Variants in NTN1 observed in about 807,000 individuals in gnomAD.
NTN1 encodes the protein netrin-1.
A neutral mutation model predicts 54.2 loss-of-function variants in NTN1; 11 were observed. The ratio of observed to expected loss-of-function variants is 0.20; its 90% CI spans 0.13 to 0.34. The LOEUF is 0.34. NTN1 is among the 10% of genes least tolerant of loss of function. The pLI, the probability that NTN1 is intolerant of heterozygous loss-of-function variation, is 1.00. For missense variants in NTN1, 740 were observed against 893.1 expected (o/e 0.83, Z 2.18); for synonymous variants, 371 against 382.0 (o/e 0.97, Z 0.33).
chr17:9,164,380 GCGC>G (rs1300806102), intron 3 of NTN1, among the ~76,000 whole-genome samples: 1 of 151,272 alleles, frequency 6.6e-6, no homozygotes, highest in East Asian at 1.9e-4. Context: ...AGCCAAGATC[GCGC>G]CACCGCACTC....
intron 2 of NTN1, among the ~76,000 whole-genome samples, chr17:9,147,490 G>C (rs1318547278): frequency 1.3e-5 from 2 of 152,148 alleles, no homozygotes; most frequent in East Asian, 3.9e-4. Flanking sequence ...CTCCAGCCTG[G>C]GCGACAGAGA....
At chr17:9,036,821 C>G (rs1324309104) in intron 2 of NTN1, among the ~76,000 whole-genome samples, 1 of 152,188 alleles carries the variant, frequency 6.6e-6, no homozygotes, top group Non-Finnish European at 1.5e-5. Flanking sequence ...TTGAATGATA[C>G]ATTTTCCAAC....
At chr17:9,127,736 A>G (rs916411002) in intron 2 of NTN1, among the ~76,000 whole-genome samples, 4 of 152,174 alleles carry the variant, frequency 2.6e-5, no homozygotes, top group South Asian at 2.1e-4. Context: ...GCCACCACCA[A>G]TGATTCTACT....
At chr17:9,012,278 G>A in the NTN1 span, among the ~76,000 whole-genome samples, 143 of 152,144 alleles carry the variant, frequency 9.4e-4, no homozygotes, top group Non-Finnish European at 1.0e-3. Flanking sequence ...TTGGGAGGCC[G>A]AGGTGGGTGG....
intron 5 of NTN1, among the ~76,000 whole-genome samples, chr17:9,195,745 G>A (rs1045505144): frequency 6.6e-6 from 1 of 152,240 alleles, no homozygotes; most frequent in Admixed American, 6.5e-5. Flanking sequence ...CTATTGCAGC[G>A]GGCTCGCCTG....
chr17:9,124,307 G>A (rs2092239602), intron 2 of NTN1, among the ~76,000 whole-genome samples: 1 of 152,206 alleles, frequency 6.6e-6, no homozygotes, highest in Non-Finnish European at 1.5e-5. Context: ...GAGGACGTGG[G>A]GCTTCCTCGC....
At chr17:9,128,117 G>A (rs1597498001) in intron 2 of NTN1, among the ~76,000 whole-genome samples, 1 of 145,748 alleles carries the variant, frequency 6.9e-6, no homozygotes, top group African/African-American at 2.6e-5. Flanking sequence ...ACTCCGTCTC[G>A]AAAAATAAAT....
intron 2 of NTN1, among the ~76,000 whole-genome samples, chr17:9,105,974 C>T (rs2092164778): frequency 6.6e-6 from 1 of 152,074 alleles, no homozygotes; most frequent in Non-Finnish European, 1.5e-5. Flanking sequence ...AAGAGACCAT[C>T]TGGACCAGCT....
chr17:9,029,437 G>A (rs1468366620), intron 2 of NTN1, among the ~76,000 whole-genome samples: 8 of 152,100 alleles, frequency 5.3e-5, no homozygotes, highest in South Asian at 4.1e-4. Context: ...TATCAGGAGC[G>A]TTTGCTTGGA....
At chr17:9,032,850 C>T (rs879549985) in intron 2 of NTN1, among the ~76,000 whole-genome samples, 12 of 152,118 alleles carry the variant, frequency 7.9e-5, no homozygotes, top group Non-Finnish European at 1.3e-4. Context: ...CCCTGTTTCA[C>T]TCTATGGCTC....
At chr17:9,023,484 C>T in intron 2 of NTN1, 93 bp downstream of exon 2, 1 of 1,290,658 alleles carries the variant, frequency 7.7e-7, no homozygotes, top group Non-Finnish European at 9.8e-7. Flanking sequence ...GAGCGCGGGT[C>T]GAGGGAACGG....
At chr17:9,079,177 C>T (rs939610518) in intron 2 of NTN1, among the ~76,000 whole-genome samples, 2 of 152,204 alleles carry the variant, frequency 1.3e-5, no homozygotes, top group Admixed American at 6.5e-5. Flanking sequence ...GATGGAAGGA[C>T]CCCTTCTGTA....
In NTN1 at chr17:9,071,802, A is replaced by G. The variant is rs549802693; in HGVS notation, c.1018+48411A>G. 2.0e-5 allele frequency among the ~76,000 whole-genome samples: 3 copies of G among 152,348 alleles called. No individual in the cohort carries two copies. In the East Asian group the frequency reaches 5.8e-4, roughly 29 times the overall value. On this transcript the variant is annotated intron_variant, in intron 2 of 6. Coordinates refer to ENST00000173229, the MANE Select transcript of NTN1 (RefSeq NM_004822.3). ...ACTCAAATGGCAAACATATGTCTCC[A>G]AAGTCATGCCCAGGGTTTCTTTCCC...
intron 5 of NTN1, among the ~76,000 whole-genome samples, chr17:9,191,387 G>A (rs1479031163): frequency 6.6e-6 from 1 of 152,200 alleles, no homozygotes; most frequent in Non-Finnish European, 1.5e-5. Flanking sequence ...TTGAACCTGG[G>A]AGGCGGAGGT....
chr17:9,132,943 G>A (rs1279861395), intron 2 of NTN1, among the ~76,000 whole-genome samples: 1 of 152,116 alleles, frequency 6.6e-6, no homozygotes, highest in African/African-American at 2.4e-5. Context: ...GTCAAAATGA[G>A]CTGAGTGTGG....
chr17:9,188,180 G>A (rs567460864), intron 5 of NTN1, among the ~76,000 whole-genome samples: 1 of 152,288 alleles, frequency 6.6e-6, no homozygotes, highest in South Asian at 2.1e-4. Context: ...TGTAATCCCG[G>A]CACTATGGGA....
the NTN1 span, among the ~76,000 whole-genome samples, chr17:9,004,463 G>A: frequency 6.6e-6 from 1 of 152,252 alleles, no homozygotes; most frequent in Non-Finnish European, 1.5e-5. Flanking sequence ...TGCTGAGCGG[G>A]TGACGGAGGC....
Position 9,199,706 on chromosome 17 carries a change from C to G in NTN1, c.1411+16737C>G, listed in dbSNP as rs549387549. Among the ~76,000 whole-genome samples, 6 of 152,368 alleles carry G rather than the reference C, an allele frequency of 3.9e-5. No individual in the cohort carries two copies. The East Asian group carries it at 1.2e-3, about 29-fold the overall frequency. On this transcript the variant is annotated intron_variant, in intron 5 of 6. Transcript: ENST00000173229. ...GCCAAGACTCAGTCACATGACCACC[C>G]CAACTACAAGGGGGTCGCTGGGTAA...
At chr17:9,183,907 A>C (rs2092426120) in intron 5 of NTN1, among the ~76,000 whole-genome samples, 1 of 152,206 alleles carries the variant, frequency 6.6e-6, no homozygotes, top group African/African-American at 2.4e-5. Flanking sequence ...GCCTGCACCC[A>C]GAGTCCTGGT....
Sources: gnomAD v4.1 joint callset for allele counts (sites outside exome capture counted in the v4.1 genomes callset) on GRCh38, gnomAD v4.1.1 for gene constraint, MANE v1.5 for transcripts, NCBI Gene and HGNC (gene_info 2026-07-23, HGNC 2026-07-21) for gene names.